TNNI3K: variants seen among roughly 807,000 people sequenced by gnomAD.
The protein encoded by TNNI3K is serine/threonine-protein kinase TNNI3K.
In TNNI3K, 140 loss-of-function variants were observed where a neutral mutation model predicts 114.5. The observed-to-expected ratio is 1.22, with a 90% CI of 1.07 to 1.41. The LOEUF is 1.41. Among genes scored for constraint, TNNI3K ranks in the 40% most tolerant of loss-of-function variants. The pLI, the probability that TNNI3K is intolerant of heterozygous loss-of-function variation, is 0.00. For synonymous variants in TNNI3K, 347 were observed against 347.5 expected, an observed-to-expected ratio of 1.00 and a Z score of 0.02; for missense variants, 1,125 against 1,007.6, an observed-to-expected ratio of 1.12 and a Z score of -1.58.
intron 11 of TNNI3K, among the ~76,000 whole-genome samples, chr1:74,366,159 T>C (rs1253193110): frequency 6.6e-6 from 1 of 152,028 alleles, no homozygotes. Flanking sequence ...TAACTACAGA[T>C]CCTTTGTGAT....
At chr1:74,448,060 T>A (rs1365347799) in intron 20 of TNNI3K, among the ~76,000 whole-genome samples, 2 of 74,316 alleles carry the variant, frequency 2.7e-5, no homozygotes, top group East Asian at 8.0e-4. Flanking sequence ...AATTGAACAA[T>A]GAGATCACAT....
At chr1:74,491,528 C>T (rs1669075578) in intron 22 of TNNI3K, among the ~76,000 whole-genome samples, 1 of 152,142 alleles carries the variant, frequency 6.6e-6, no homozygotes, top group South Asian at 2.1e-4. Context: ...GTGTGAGCCA[C>T]CACACCCAGC....
intron 20 of TNNI3K, among the ~76,000 whole-genome samples, chr1:74,445,178 C>A (rs1666579285): frequency 6.6e-6 from 1 of 151,120 alleles, no homozygotes; most frequent in African/African-American, 2.4e-5. Context: ...CAAAAATTGA[C>A]AAACGTGATC....
chr1:74,466,179 C>T (rs1162378949), intron 21 of TNNI3K, among the ~76,000 whole-genome samples: 2 of 152,194 alleles, frequency 1.3e-5, no homozygotes, highest in Non-Finnish European at 2.9e-5. Context: ...AAGTGTAACA[C>T]TCACTGCGTG....
At chr1:74,470,414 C>T (rs562781804) in intron 21 of TNNI3K, 11 of 400,592 alleles carry the variant, frequency 2.7e-5, no homozygotes, top group South Asian at 1.3e-4. Flanking sequence ...GCTTCAGTGC[C>T]GTCATTTCTG....
chr1:74,294,718 G>A (rs1299506415), intron 5 of TNNI3K, among the ~76,000 whole-genome samples: 1 of 151,918 alleles, frequency 6.6e-6, no homozygotes, highest in Non-Finnish European at 1.5e-5. Flanking sequence ...TATATTTAAT[G>A]ATCTGCAATA....
rs769958681 is a variant in TNNI3K, at chr1:74,323,768, T to C, written c.445-7682T>C. Among the ~76,000 whole-genome samples the C allele has an allele frequency of 5.9e-5, 9 of 152,296 alleles. No individual in the cohort carries two copies. The South Asian group carries it at 1.7e-3, about 28-fold the overall frequency. The stretch of plus-strand genomic sequence containing the variant: ...ATCACTTCTGGAATATTTATTCTTA[T>C]ATACTAAGCATTGTGCTAAGTGCTT... On this transcript the variant is annotated intron_variant, in intron 5 of 24. Coordinates refer to ENST00000326637, the MANE Select transcript of TNNI3K (RefSeq NM_015978.3).
At chr1:74,475,602 C>T (rs1166733870) in intron 21 of TNNI3K, 2 of 717,168 alleles carry the variant, frequency 2.8e-6, no homozygotes, top group East Asian at 5.4e-5. Flanking sequence ...CTTTTCTGGA[C>T]CCCACAGTGG....
intron 21 of TNNI3K, chr1:74,475,590 T>G (rs1668162366): frequency 2.8e-6 from 2 of 717,266 alleles, no homozygotes; most frequent in South Asian, 1.5e-5. Flanking sequence ...AAAGTGGCAT[T>G]TCTTTTCTGG....
At chr1:74,255,243 A>G (rs1655203353) in intron 4 of TNNI3K, among the ~76,000 whole-genome samples, 1 of 150,740 alleles carries the variant, frequency 6.6e-6, no homozygotes, top group Non-Finnish European at 1.5e-5. Flanking sequence ...AGTCCCAGCT[A>G]CTTGGGAGGC....
rs1237634783 is a variant in TNNI3K at position 74,489,234 on chromosome 1, CT to C, written c.2168del (p.Leu723ProfsTer6). On this transcript the variant is annotated frameshift_variant, in exon 22 of 25. Coordinates refer to ENST00000326637, the MANE Select transcript of TNNI3K (RefSeq NM_015978.3). LOFTEE classifies it high-confidence loss of function. ...AGTTGTCATGAAGTTAGAAGAGTGT[CT>C]CTGCAACATTGAGGTAAAAGCTTTA... ...SEVVMKLEEC[L>X]CNIELMSPAS... 1 of 1,611,824 alleles carries C rather than the reference CT, an allele frequency of 6.2e-7. No individual in the cohort carries two copies. The highest frequency in any genetic ancestry group is 8.5e-7 in the Non-Finnish European group (1 of 1,179,018).
chr1:74,253,639 C>T (rs1218800563), intron 4 of TNNI3K, among the ~76,000 whole-genome samples: 4 of 152,106 alleles, frequency 2.6e-5, no homozygotes, highest in African/African-American at 2.4e-5. Context: ...GCTCGGAGTG[C>T]GGGCCCGCCA....
At chr1:74,410,346 A>G (rs1664822509) in intron 17 of TNNI3K, among the ~76,000 whole-genome samples, 1 of 152,200 alleles carries the variant, frequency 6.6e-6, no homozygotes, top group Admixed American at 6.5e-5. Flanking sequence ...TCACGCAACT[A>G]GTTAATGGCA....
chr1:74,445,182 CG>C (rs1266988598), intron 20 of TNNI3K, among the ~76,000 whole-genome samples: 1 of 150,930 alleles, frequency 6.6e-6, no homozygotes, highest in Non-Finnish European at 1.5e-5. Flanking sequence ...AATTGACAAA[CG>C]TGATCTAAAC....
At chr1:74,467,566 A>T (rs1333578828) in intron 21 of TNNI3K, among the ~76,000 whole-genome samples, 1 of 151,928 alleles carries the variant, frequency 6.6e-6, no homozygotes, top group Admixed American at 6.6e-5. Flanking sequence ...ACGTGAAATT[A>T]TGGCAATTAT....
Position 74,543,064 on chromosome 1 carries a change from C to CTTTTTTTTTTTTTTTTTTTTTTTTTTTT in TNNI3K, c.2432-840_2432-813dup, listed in dbSNP as rs60688934. Among the ~76,000 whole-genome samples the CTTTTTTTTTTTTTTTTTTTTTTTTTTTT allele has an allele frequency of 1.8e-3, 12 of 6,750 alleles. 6 individuals are homozygous for CTTTTTTTTTTTTTTTTTTTTTTTTTTTT. Among genetic ancestry groups the CTTTTTTTTTTTTTTTTTTTTTTTTTTTT allele is most frequent in the Admixed American group, 4.5e-3 (2 of 440 alleles). 4.4% of individuals were successfully genotyped at this position (6,750 alleles called of 152,430 possible). On this transcript the variant is annotated intron_variant, in intron 24 of 24. Coordinates refer to ENST00000326637, the MANE Select transcript of TNNI3K (RefSeq NM_015978.3). ...CTTTTCCTTTTCTTTTTCTTTTTCC[C>CTTTTTTTTTTTTTTTTTTTTTTTTTTTT]TTTTTTTTTTTTTTTTTTTTTTTTT...
chr1:74,516,664 A>G (rs1646352528), intron 23 of TNNI3K, among the ~76,000 whole-genome samples: 1 of 152,136 alleles, frequency 6.6e-6, no homozygotes, highest in African/African-American at 2.4e-5. Flanking sequence ...ATGGTCAGCC[A>G]CGTTTAAAAA....
At chr1:74,376,052 A>G (rs1662888805) in intron 17 of TNNI3K, among the ~76,000 whole-genome samples, 1 of 151,976 alleles carries the variant, frequency 6.6e-6, no homozygotes, top group African/African-American at 2.4e-5. Flanking sequence ...TGATAATTTT[A>G]AAATAGCCAA....
intron 20 of TNNI3K, among the ~76,000 whole-genome samples, chr1:74,445,890 G>C (rs566529046): frequency 6.6e-6 from 1 of 152,136 alleles, no homozygotes; most frequent in South Asian, 2.1e-4. Context: ...GACTACAGGC[G>C]TGAGCCACCG....
Sources: gnomAD v4.1 joint callset for allele counts (sites outside exome capture counted in the v4.1 genomes callset) on GRCh38, gnomAD v4.1.1 for gene constraint, MANE v1.5 for transcripts, NCBI Gene and HGNC (gene_info 2026-07-23, HGNC 2026-07-21) for gene names.